The following HADHB variants were observed in gnomAD, a reference collection of about 807,000 sequenced individuals.
HADHB encodes hydroxyacyl-CoA dehydrogenase trifunctional multienzyme complex subunit beta.
HADHB carries 50 observed loss-of-function variants against 61.9 expected under a neutral mutation model. The observed-to-expected ratio is 0.81, with a 90% CI of 0.64 to 1.02. The LOEUF is 1.02. Among genes scored for constraint, HADHB ranks in the 50% least tolerant of loss-of-function variants. The probability of loss-of-function intolerance (pLI) is 0.00; values close to 1 mark genes in which losing one functional copy is unlikely to be tolerated. For synonymous variants in HADHB, 191 were observed against 201.6 expected (o/e 0.95, Z 0.45); for missense variants, 504 against 586.5 (o/e 0.86, Z 1.45).
Position 26,273,769 on chromosome 2 carries a change from A to G in HADHB, c.354+19A>G. ...TAGAGAGGTGAGTAAAACAAACTTT[A>G]TGTTGTTTAAAGAGTGATAGGAGAA... On this transcript the variant is annotated intron_variant, in intron 6 of 15. Transcript: ENST00000317799. The G allele has an allele frequency of 8.1e-7, 1 of 1,229,464 alleles. No individual in the cohort carries two copies. Among genetic ancestry groups the G allele is most frequent in the Non-Finnish European group, 1.2e-6 (1 of 828,774 alleles). The allele number at this position is 1,229,464 out of a possible 1,614,324, so 76.2% of individuals were successfully genotyped here. A position where few individuals can be genotyped will look rare whatever the true frequency, so the allele number is the denominator to read the frequency against.
chr2:26,267,689 T>C (rs1252627457), intron 4 of HADHB, among the ~76,000 whole-genome samples: 1 of 150,948 alleles, frequency 6.6e-6, no homozygotes, highest in Non-Finnish European at 1.5e-5. Flanking sequence ...GGAGAATCGA[T>C]TGAACCCGGG....
intron 4 of HADHB, among the ~76,000 whole-genome samples, chr2:26,268,200 T>C (rs1241074033): frequency 7.3e-6 from 1 of 136,654 alleles, no homozygotes; most frequent in Non-Finnish European, 1.6e-5. Context: ...ACATAATACT[T>C]GCTGCGAGAT....
rs1382834408 is a variant in HADHB at position 26,273,599 on chromosome 2, G to T, written c.255-52G>T. The T allele has an allele frequency of 3.1e-6, 3 of 956,116 alleles. No homozygotes were observed. The African/African-American group carries it at 4.8e-5, about 15-fold the overall frequency. The allele number at this position is 956,116 out of a possible 1,614,324, so 59.2% of individuals were successfully genotyped here. Reference sequence around the variant, plus strand: ...CGCAGTGTTTTGTGTGATGATCTCTGGCACTGCCTTGATGTGTGAAATGTT... The same window carrying T: ...CGCAGTGTTTTGTGTGATGATCTCTTGCACTGCCTTGATGTGTGAAATGTT... On this transcript the variant is annotated intron_variant, in intron 5 of 15. Transcript: ENST00000317799.
chr2:26,261,153 AG>A (rs1370681032), intron 3 of HADHB: 36 of 687,508 alleles, frequency 5.2e-5, no homozygotes, highest in Non-Finnish European at 8.2e-5. Context: ...GACTGTAAGC[AG>A]GGCAACTCCC....
At chr2:26,246,981 A>G (rs1381416542) in intron 1 of HADHB, among the ~76,000 whole-genome samples, 2 of 152,192 alleles carry the variant, frequency 1.3e-5, no homozygotes, top group South Asian at 2.1e-4. Flanking sequence ...TGCGCGTCCT[A>G]TGTGGTTAAG....
At position 26,285,396 on chromosome 2, in the gene HADHB, G is replaced by A. The variant is rs1372851658; in HGVS notation, c.1225-11G>A. ...AACTTATCTTTACATTTGTGTCTTT[G>A]GGGGAGCCAGGTTGGATTGCCTCCT... On this transcript the variant is annotated splice_polypyrimidine_tract_variant and intron_variant, in intron 14 of 15. Transcript: ENST00000317799. The A allele has an allele frequency of 1.9e-6, 3 of 1,610,698 alleles. No homozygotes were observed. The highest frequency in any genetic ancestry group is 2.5e-6 in the Non-Finnish European group (3 of 1,177,124).
rs1413183768 is a variant in HADHB, at chr2:26,285,637, A to G, written c.1389+66A>G. On this transcript the variant is annotated intron_variant, in intron 15 of 15. Coordinates refer to ENST00000317799, the MANE Select transcript of HADHB (RefSeq NM_000183.3). ...TTTCTTGGAATGACTAGAATGTATGATTTAGTTTGAAACCTTCTTAAAGCA... is the reference window on the plus strand; with the variant it reads ...TTTCTTGGAATGACTAGAATGTATGGTTTAGTTTGAAACCTTCTTAAAGCA... 3 of 1,212,990 alleles carry G rather than the reference A, an allele frequency of 2.5e-6. No homozygotes were observed. The African/African-American group carries it at 4.7e-5, about 19-fold the overall frequency. 75.1% of individuals were successfully genotyped at this position (1,212,990 alleles called of 1,614,324 possible). A position where few individuals can be genotyped will look rare whatever the true frequency, so the allele number is the denominator to read the frequency against.
chr2:26,248,381 A>G (rs1574636519), intron 1 of HADHB, among the ~76,000 whole-genome samples: 1 of 150,478 alleles, frequency 6.6e-6, no homozygotes, highest in African/African-American at 2.5e-5. Context: ...CACCTTGAGT[A>G]TTTCTTTTTT....
In HADHB at chr2:26,285,545, G is replaced by C; in HGVS notation, c.1363G>C (p.Val455Leu). ...LRKEGGQYGL[V>L]AACAAGGQGH... is the part of the protein sequence containing the mutation. ...GAAAGAAGGAGGCCAGTATGGCTTA[G>C]TGGCTGCGTGTGCAGCTGGAGGGCA... The change falls in exon 15 of 16, where the codon GTG becomes CTG. Residue 455 changes from valine to leucine, a missense_variant. Physicochemically the swap from Val to Leu is conservative, Grantham distance 32. Coordinates refer to ENST00000317799, the MANE Select transcript of HADHB (RefSeq NM_000183.3). 2 of 1,614,036 alleles carry C rather than the reference G, an allele frequency of 1.2e-6. No homozygotes were observed. Among genetic ancestry groups the C allele is most frequent in the Non-Finnish European group, 1.7e-6 (2 of 1,179,944 alleles).
Position 26,278,698 on chromosome 2 carries a change from C to T in HADHB, c.527C>T (p.Ser176Leu). ...ELMSDVPIRH[S>L]RKMRKLMLDL... ...ATGTCCGATGTCCCTATTCGTCACTCAAGGAAAATGAGAAAACTGATGCTT... is the reference window on the plus strand; with the variant it reads ...ATGTCCGATGTCCCTATTCGTCACTTAAGGAAAATGAGAAAACTGATGCTT... Residue 176 changes from serine (S) to leucine (L), a missense_variant, in exon 8 of 16, where the codon TCA (serine) becomes TTA (leucine). Ser to Leu is a moderately radical substitution (Grantham distance 145). Coordinates refer to ENST00000317799, the MANE Select transcript of HADHB (RefSeq NM_000183.3). 6.2e-7 allele frequency: 1 copy of T among 1,613,932 alleles called. No homozygotes were observed. The highest frequency in any genetic ancestry group is 8.5e-7 in the Non-Finnish European group (1 of 1,179,842).
intron 1 of HADHB, among the ~76,000 whole-genome samples, chr2:26,246,487 A>C (rs1413966643): frequency 6.6e-6 from 1 of 151,694 alleles, no homozygotes; most frequent in Non-Finnish European, 1.5e-5. Context: ...TTACAAGCGC[A>C]CACCACCACG....
intron 3 of HADHB, chr2:26,261,027 C>G: frequency 1.3e-6 from 2 of 1,521,658 alleles, no homozygotes; most frequent in Non-Finnish European, 1.8e-6. Context: ...GTAGATGACA[C>G]TGGTTTCTGG....
At position 26,270,005 on chromosome 2, in the gene HADHB, A is replaced by G. The variant is rs370597816; in HGVS notation, c.254+8A>G. 97 of 1,575,850 alleles carry G rather than the reference A, an allele frequency of 6.2e-5. No homozygotes were observed. In the African/African-American group the frequency reaches 1.0e-3, roughly 16 times the overall value. On this transcript the variant is annotated splice_region_variant and intron_variant, in intron 5 of 15. Transcript: ENST00000317799. ...GGCTAGAGCAGCGCTTACGTAAGTA[A>G]ATGCAGTTTCATTTCCGTTCTTATT... is the stretch of plus-strand genomic sequence containing the variant.
At chr2:26,258,274 A>G (rs1296414701) in intron 3 of HADHB, among the ~76,000 whole-genome samples, 1 of 152,196 alleles carries the variant, frequency 6.6e-6, no homozygotes, top group African/African-American at 2.4e-5. Context: ...GCGGCTCCCA[A>G]GATGGCGGCA....
intron 5 of HADHB, 24 bp downstream of exon 5, chr2:26,270,021 C>T (rs755242288): frequency 1.4e-5 from 22 of 1,520,524 alleles, no homozygotes; most frequent in African/African-American, 1.4e-5. Flanking sequence ...GTTTCATTTC[C>T]GTTCTTATTT....
chr2:26,278,803 T>C lies in HADHB; in HGVS notation c.630+2T>C. 6.2e-7 allele frequency: 1 copy of C among 1,613,208 alleles called. No homozygotes were observed. Among genetic ancestry groups the C allele is most frequent in the Non-Finnish European group, 8.5e-7 (1 of 1,179,144 alleles). On this transcript the variant is annotated splice_donor_variant, in intron 8 of 15. Coordinates refer to ENST00000317799, the MANE Select transcript of HADHB (RefSeq NM_000183.3). LOFTEE classifies it high-confidence loss of function. ...CGATTTAATTTCCTAGCACCTGAGG[T>C]AAGGCTTGTGTTTGCAGGGCATCCC...
intron 8 of HADHB, 26 bp downstream of exon 8, chr2:26,278,827 C>T (rs1462527212): frequency 2.5e-6 from 4 of 1,573,328 alleles, no homozygotes; most frequent in Non-Finnish European, 3.5e-6. Flanking sequence ...GCAGGGCATC[C>T]CACTGCAGAG....
chr2:26,277,278 C>G, intron 7 of HADHB, 118 bp downstream of exon 7: 1 of 599,662 alleles, frequency 1.7e-6, no homozygotes, highest in Middle Eastern at 4.4e-4. Context: ...CACTCTGTCA[C>G]TCAGGCTGGA....
intron 15 of HADHB, among the ~76,000 whole-genome samples, chr2:26,286,706 G>A (rs1051698101): frequency 2.7e-5 from 4 of 150,608 alleles, no homozygotes; most frequent in East Asian, 2.0e-4. Context: ...GGGTTTCACC[G>A]TATTGGCCAG....
Sources: allele counts gnomAD v4.1 joint callset (sites outside exome capture counted in the v4.1 genomes callset), GRCh38; gene constraint gnomAD v4.1.1; transcripts MANE v1.5; gene names NCBI Gene and HGNC (gene_info 2026-07-23, HGNC 2026-07-21).